CYRIB: variants seen among roughly 807,000 people sequenced by gnomAD.
CYRIB encodes CYFIP-related Rac1 interactor B.
Under a neutral mutation model 44.2 loss-of-function variants are expected in CYRIB, and 8 were observed. The observed-to-expected ratio is 0.18, with a 90% confidence interval of 0.11 to 0.33. The LOEUF (loss-of-function observed/expected upper bound fraction) is 0.33, where lower values mean the gene tolerates loss of function less well. CYRIB is among the 10% of genes least tolerant of loss of function. CYRIB has a pLI of 1.00. For synonymous variants in CYRIB, 131 were observed against 127.2 expected (o/e 1.03, Z -0.20); for missense variants, 185 against 382.8 (o/e 0.48, Z 4.31).
intron 1 of CYRIB, among the ~76,000 whole-genome samples, chr8:129,993,794 G>A (rs1170997109): frequency 6.6e-6 from 1 of 151,782 alleles, no homozygotes; most frequent in Non-Finnish European, 1.5e-5. Flanking sequence ...CCCAAGAAGT[G>A]GAGGTTGCAG....
chr8:129,970,199 C>T (rs755768120), intron 2 of CYRIB, among the ~76,000 whole-genome samples: 2 of 152,110 alleles, frequency 1.3e-5, no homozygotes, highest in Non-Finnish European at 2.9e-5. Flanking sequence ...AGCACGCCTA[C>T]GTAGAAATGG....
At chr8:129,886,631 C>T (rs1460377943) in intron 2 of CYRIB, among the ~76,000 whole-genome samples, 1 of 152,088 alleles carries the variant, frequency 6.6e-6, no homozygotes, top group Non-Finnish European at 1.5e-5. Flanking sequence ...ATCCCCATCC[C>T]ACACCACCAA....
chr8:129,993,018 T>A (rs2096675016), intron 1 of CYRIB, among the ~76,000 whole-genome samples: 1 of 152,178 alleles, frequency 6.6e-6, no homozygotes, highest in South Asian at 2.1e-4. Context: ...TGGGGCCTAC[T>A]GTGGATGGGC....
At chr8:129,993,203 A>T (rs192085892) in intron 1 of CYRIB, among the ~76,000 whole-genome samples, 1 of 150,056 alleles carries the variant, frequency 6.7e-6, no homozygotes, top group African/African-American at 2.5e-5. Context: ...CCAGCCTGGC[A>T]AACATAGTGA....
chr8:129,917,771 T>C (rs1053833769), intron 1 of CYRIB, among the ~76,000 whole-genome samples: 1 of 152,076 alleles, frequency 6.6e-6, no homozygotes, highest in Non-Finnish European at 1.5e-5. Flanking sequence ...ACAGGAGAAT[T>C]GCTTGAACCT....
At chr8:129,991,972 A>AGG (rs71302388) in intron 1 of CYRIB, among the ~76,000 whole-genome samples, 1 of 120,066 alleles carries the variant, frequency 8.3e-6, no homozygotes, top group Non-Finnish European at 1.9e-5. Context: ...AAAAAAAAAA[A>AGG]CAATAGGAAG....
intron 2 of CYRIB, among the ~76,000 whole-genome samples, chr8:129,901,251 C>A (rs1191909290): frequency 1.3e-5 from 2 of 152,044 alleles, no homozygotes; most frequent in Non-Finnish European, 2.9e-5. Flanking sequence ...GACAGAGTAT[C>A]TAGCTCTGTT....
Position 129,969,777 on chromosome 8 carries a change from G to T in CYRIB, c.-243+1166C>A, listed in dbSNP as rs372931976. ...CATAAATATGAGAAACATATTTGGT[G>T]GCACAAGATGCTCACATCCTAAAAA... On this transcript the variant is annotated intron_variant, in intron 2 of 14. Coordinates refer to the CYRIB transcript ENST00000401979. Among the ~76,000 whole-genome samples, 102 of 152,284 alleles carry T rather than the reference G, an allele frequency of 6.7e-4. 3 individuals are homozygous for T. Among genetic ancestry groups the T allele is most frequent in the African/African-American group, 2.4e-3 (101 of 41,560 alleles).
intron 1 of CYRIB, among the ~76,000 whole-genome samples, chr8:130,015,630 T>C (rs1412175339): frequency 1.3e-5 from 2 of 152,104 alleles, no homozygotes; most frequent in African/African-American, 4.8e-5. Flanking sequence ...CCTCGATTCC[T>C]CCTTCGTTCC....
chr8:129,887,443 G>C (rs1360601514), intron 2 of CYRIB, among the ~76,000 whole-genome samples: 1 of 152,236 alleles, frequency 6.6e-6, no homozygotes, highest in Non-Finnish European at 1.5e-5. Flanking sequence ...CCCTCATGGA[G>C]AACCTCTACT....
chr8:129,870,305 G>C (rs2056606183), intron 4 of CYRIB, among the ~76,000 whole-genome samples: 2 of 152,190 alleles, frequency 1.3e-5, no homozygotes, highest in African/African-American at 4.8e-5. Context: ...AGCTACTTGG[G>C]CGACTGAGGC....
At chr8:130,013,545 T>C (rs1287513537) in intron 1 of CYRIB, among the ~76,000 whole-genome samples, 1 of 152,202 alleles carries the variant, frequency 6.6e-6, no homozygotes, top group Non-Finnish European at 1.5e-5. Flanking sequence ...CAACACTTCC[T>C]TTACAATGCT....
chr8:129,855,088 G>C (rs973247727), intron 6 of CYRIB, among the ~76,000 whole-genome samples: 1 of 152,082 alleles, frequency 6.6e-6, no homozygotes, highest in African/African-American at 2.4e-5. Context: ...AAAAGAAAAA[G>C]TATTAGAAAA....
intron 2 of CYRIB, among the ~76,000 whole-genome samples, chr8:129,893,275 T>C (rs150194647): frequency 6.6e-6 from 1 of 152,326 alleles, no homozygotes; most frequent in East Asian, 1.9e-4. Context: ...AAACAACATT[T>C]ACTTAGCACC....
At chr8:129,950,125 TTTTTC>T (rs1421552209) in intron 2 of CYRIB, among the ~76,000 whole-genome samples, 2 of 152,212 alleles carry the variant, frequency 1.3e-5, no homozygotes, top group Non-Finnish European at 2.9e-5. Context: ...CATTTGCTTT[TTTTTC>T]TTTTAATTTG....
chr8:129,880,997 T>C (rs2060620758), intron 2 of CYRIB, among the ~76,000 whole-genome samples: 1 of 152,236 alleles, frequency 6.6e-6, no homozygotes, highest in Non-Finnish European at 1.5e-5. Context: ...ATCTTCTGTC[T>C]CCTAAGATTA....
intron 1 of CYRIB, among the ~76,000 whole-genome samples, chr8:130,006,931 T>C (rs2134213273): frequency 6.6e-6 from 1 of 151,870 alleles, no homozygotes; most frequent in Non-Finnish European, 1.5e-5. Flanking sequence ...CCAGAGTGTA[T>C]GGTCTCAGGA....
chr8:129,990,699 G>T (rs72720328), intron 1 of CYRIB, among the ~76,000 whole-genome samples: 1 of 151,572 alleles, frequency 6.6e-6, no homozygotes. Context: ...TTTCCTTTTT[G>T]TTTTTTTAGA....
chr8:129,882,498 T>C (rs1389444428), intron 2 of CYRIB, among the ~76,000 whole-genome samples: 1 of 152,214 alleles, frequency 6.6e-6, no homozygotes, highest in Non-Finnish European at 1.5e-5. Context: ...AACATAAACC[T>C]GAGTCCTTAT....
Sources: allele counts gnomAD v4.1 joint callset (sites outside exome capture counted in the v4.1 genomes callset), GRCh38; gene constraint gnomAD v4.1.1; transcripts MANE v1.5; gene names NCBI Gene and HGNC (gene_info 2026-07-23, HGNC 2026-07-21).